DMD: variants seen among roughly 807,000 people sequenced by gnomAD.
DMD encodes mutant dystrophin.
DMD carries 63 observed loss-of-function variants against 330.1 expected under a neutral mutation model. The ratio of observed to expected loss-of-function variants is 0.19; its 90% confidence interval spans 0.16 to 0.24. DMD has a LOEUF of 0.24. Among genes scored for constraint, DMD ranks in the 10% least tolerant of loss-of-function variants. The probability of loss-of-function intolerance (pLI) is 1.00; values close to 1 mark genes in which losing one functional copy is unlikely to be tolerated. For synonymous variants in DMD, 1,223 were observed against 959.8 expected, an observed-to-expected ratio of 1.27 and a Z score of -5.07; for missense variants, 3,344 against 2,684.1, an observed-to-expected ratio of 1.25 and a Z score of -5.43.
At chrX:31,583,082 C>T (rs1431053275) in intron 55 of DMD, among the ~76,000 whole-genome samples, 1 of 112,008 alleles carries the variant, frequency 8.9e-6, no homozygotes, top group African/African-American at 3.2e-5. Flanking sequence ...AAAAGCCCAA[C>T]CAAATAGAGA....
intron 1 of DMD, among the ~76,000 whole-genome samples, chrX:33,335,010 C>A (rs145986199): frequency 0.056 from 6,264 of 110,909 alleles, 211 homozygotes; most frequent in Middle Eastern, 0.13. Context: ...TGAGTCTAAA[C>A]CCTCTTCTGC....
intron 71 of DMD, among the ~76,000 whole-genome samples, chrX:31,174,601 TA>T (rs1303804838): frequency 9.0e-6 from 1 of 111,636 alleles, no homozygotes; most frequent in East Asian, 2.8e-4. Flanking sequence ...GGTAAAGGCA[TA>T]AATCCAAAAG....
intron 44 of DMD, among the ~76,000 whole-genome samples, chrX:32,077,190 G>T (rs1324300980): frequency 9.0e-6 from 1 of 111,086 alleles, no homozygotes; most frequent in Middle Eastern, 4.6e-3. Flanking sequence ...GGCCTCTGAG[G>T]TATCATCAAG....
chrX:33,025,888 T>C (rs1039547210), intron 1 of DMD, among the ~76,000 whole-genome samples: 1 of 111,581 alleles, frequency 9.0e-6, no homozygotes, highest in Non-Finnish European at 1.9e-5. Flanking sequence ...TGATATTTCC[T>C]TGGGGGCTAG....
chrX:32,917,687 G>A (rs2146533822), intron 2 of DMD, among the ~76,000 whole-genome samples: 1 of 111,932 alleles, frequency 8.9e-6, no homozygotes, highest in South Asian at 3.7e-4. Flanking sequence ...AAAATGGTTG[G>A]TGATCTTTGT....
chrX:32,537,755 A>G (rs1465716328), intron 17 of DMD, among the ~76,000 whole-genome samples: 1 of 112,179 alleles, frequency 8.9e-6, no homozygotes, highest in Non-Finnish European at 1.9e-5. Context: ...CTCCTTTTAG[A>G]TGAATAAGTA....
chrX:33,087,176 A>G (rs1418335404), intron 1 of DMD, among the ~76,000 whole-genome samples: 1 of 111,856 alleles, frequency 8.9e-6, no homozygotes, highest in Non-Finnish European at 1.9e-5. Flanking sequence ...GGGGCTGGTT[A>G]AAAGCTTTCA....
chrX:32,385,629 C>A (rs1463188034), intron 33 of DMD, among the ~76,000 whole-genome samples: 1 of 23,375 alleles, frequency 4.3e-5, no homozygotes, highest in East Asian at 1.9e-3. Flanking sequence ...ATAATCTATA[C>A]AGAATATTTG....
In DMD at chrX:31,596,780, T is replaced by TA. The variant is rs760826003; in HGVS notation, c.8217+30892dup. ...ATTATTTAGCCAGCAAGTAAGCACA[T>TA]AGCCCACTATTCAGCATGTGTCTGT... On this transcript the variant is annotated intron_variant, in intron 55 of 78. Coordinates refer to ENST00000357033, the MANE Select transcript of DMD (RefSeq NM_004006.3). 1.2e-4 allele frequency among the ~76,000 whole-genome samples: 14 copies of TA among 112,355 alleles called. No homozygotes were observed. The South Asian group carries it at 1.8e-3, about 15-fold the overall frequency.
chrX:32,619,550 G>A (rs972641429), intron 11 of DMD, among the ~76,000 whole-genome samples: 2 of 111,779 alleles, frequency 1.8e-5, no homozygotes, highest in Non-Finnish European at 1.9e-5. Context: ...GAAGCATCAC[G>A]TTGTACATGA....
chrX:32,971,756 G>GAC (rs1464447697), intron 2 of DMD, among the ~76,000 whole-genome samples: 1 of 110,069 alleles, frequency 9.1e-6, no homozygotes, highest in Non-Finnish European at 1.9e-5. Flanking sequence ...ATGACCTAGA[G>GAC]ACACACACAT....
chrX:32,386,037 A>AT (rs1230051974), intron 33 of DMD, among the ~76,000 whole-genome samples: 1 of 110,005 alleles, frequency 9.1e-6, no homozygotes, highest in Non-Finnish European at 1.9e-5. Context: ...AGCGTTACGT[A>AT]TTTTTCAATC....
intron 49 of DMD, among the ~76,000 whole-genome samples, chrX:31,829,526 G>A (rs897215122): frequency 8.1e-5 from 9 of 110,610 alleles, no homozygotes; most frequent in African/African-American, 2.6e-4. Context: ...ATATTTTTTG[G>A]ATATTTAAAA....
chrX:31,444,556 G>A lies in DMD; in HGVS notation c.9009C>T (p.Thr3003=). The part of the protein sequence containing the change: ...SHVNDLARQL[T]TLGIQLSPYN... ...ACGGTGAGAGCTGAATGCCCAAAGT[G>A]GTAAGCTGGCGAGCAAGGTCATTGA... Residue 3003 remains threonine (T), a synonymous_variant, in exon 60 of 79, where the codon ACC becomes ACT. Coordinates refer to ENST00000357033, the MANE Select transcript of DMD (RefSeq NM_004006.3). 1 of 1,211,667 alleles carries A rather than the reference G, an allele frequency of 8.3e-7. No individual in the cohort carries two copies. The highest frequency in any genetic ancestry group is 1.1e-6 in the Non-Finnish European group (1 of 895,380).
chrX:31,448,899 T>G (rs927906462), intron 59 of DMD, among the ~76,000 whole-genome samples: 1 of 112,670 alleles, frequency 8.9e-6, no homozygotes, highest in African/African-American at 3.2e-5. Context: ...TTTCTTCATA[T>G]AAAATTAAAT....
At chrX:31,839,446 C>T (rs1019083586) in intron 48 of DMD, among the ~76,000 whole-genome samples, 20 of 111,749 alleles carry the variant, frequency 1.8e-4, no homozygotes, top group African/African-American at 6.2e-4. Context: ...CATTTGTTCA[C>T]GCAGACAGTC....
intron 60 of DMD, among the ~76,000 whole-genome samples, chrX:31,397,261 T>G (rs2148823959): frequency 8.9e-6 from 1 of 112,280 alleles, no homozygotes; most frequent in South Asian, 3.8e-4. Flanking sequence ...TGTTTTAATT[T>G]CATCTCAGTA....
intron 13 of DMD, among the ~76,000 whole-genome samples, chrX:32,584,114 G>C (rs1382229039): frequency 1.8e-5 from 2 of 111,106 alleles, no homozygotes; most frequent in African/African-American, 3.3e-5. Flanking sequence ...GAGAAATATA[G>C]AAAATCCAGT....
rs200487204 is a variant in DMD at position 33,186,664 on chromosome X, G to A, written c.31+24618C>T. ...TATTTTCACAATAAAATGCTCACTG[G>A]AGAAACTTTGAAAAAAATAAAAATG... On this transcript the variant is annotated intron_variant, in intron 1 of 78. Transcript: ENST00000357033. Among the ~76,000 whole-genome samples the A allele has an allele frequency of 5.4e-5, 6 of 110,602 alleles. No individual in the cohort carries two copies. The East Asian group carries it at 1.7e-3, about 31-fold the overall frequency.
Sources: allele counts gnomAD v4.1 joint callset (sites outside exome capture counted in the v4.1 genomes callset), GRCh38; gene constraint gnomAD v4.1.1; transcripts MANE v1.5; gene names NCBI Gene and HGNC (gene_info 2026-07-23, HGNC 2026-07-21).